The following GARRE1 variants were observed in gnomAD, a reference collection of about 807,000 sequenced individuals.
The protein encoded by GARRE1 is granule associated Rac and RHOG effector 1.
Under a neutral mutation model 103.2 loss-of-function variants are expected in GARRE1, and 49 were observed. The observed-to-expected ratio is 0.47, with a 90% CI of 0.38 to 0.60. The LOEUF (loss-of-function observed/expected upper bound fraction) is 0.60, where lower values mean the gene tolerates loss of function less well. Ranked by LOEUF, GARRE1 falls within the 20% of genes least tolerant of loss-of-function variation. The pLI, the probability that GARRE1 is intolerant of heterozygous loss-of-function variation, is 0.00. For missense variants in GARRE1, 1,199 were observed against 1,370.5 expected, an observed-to-expected ratio of 0.87 and a Z score of 1.98; for synonymous variants, 505 against 532.8, an observed-to-expected ratio of 0.95 and a Z score of 0.72.
At chr19:34,297,558 T>C (rs1163711276) in intron 1 of GARRE1, among the ~76,000 whole-genome samples, 1 of 152,100 alleles carries the variant, frequency 6.6e-6, no homozygotes, top group Non-Finnish European at 1.5e-5. Flanking sequence ...TGAACAAAGA[T>C]AGAGTGTTTC....
At chr19:34,352,209 CT>C (rs957264567) in intron 13 of GARRE1, among the ~76,000 whole-genome samples, 1 of 152,022 alleles carries the variant, frequency 6.6e-6, no homozygotes, top group African/African-American at 2.4e-5. Context: ...CGAGACTATC[CT>C]GGCTAACACG....
chr19:34,344,139 G>A (rs1252103664), intron 10 of GARRE1, among the ~76,000 whole-genome samples: 1 of 152,142 alleles, frequency 6.6e-6, no homozygotes, highest in Non-Finnish European at 1.5e-5. Context: ...TCTAAAATTA[G>A]TAAGAGAATT....
chr19:34,307,548 T>C (rs1380812536), intron 2 of GARRE1, among the ~76,000 whole-genome samples: 1 of 148,574 alleles, frequency 6.7e-6, no homozygotes, highest in Non-Finnish European at 1.5e-5. Context: ...ATGCCAGACA[T>C]ATATATAAAA....
In GARRE1 at chr19:34,328,078, T is replaced by C. The variant is rs758920162; in HGVS notation, c.1031T>C (p.Val344Ala). 1 of 1,614,184 alleles carries C rather than the reference T, an allele frequency of 6.2e-7. No homozygotes were observed. The highest frequency in any genetic ancestry group is 8.5e-7 in the Non-Finnish European group (1 of 1,180,022). Reference sequence around the variant, plus strand: ...CAGTGTGAGCTCCCCACCGTCCCTGTGCAGATAGGATCGCACTTCCTGAAG... The same window carrying C: ...CAGTGTGAGCTCCCCACCGTCCCTGCGCAGATAGGATCGCACTTCCTGAAG... ...PMQCELPTVP[V>A]QIGSHFLKGV... The change falls in exon 6 of 14, where the codon GTG (valine) becomes GCG (alanine). Residue 344 changes from valine (V) to alanine (A), a missense_variant. Physicochemically the swap from Val to Ala is moderately conservative, Grantham distance 64. Coordinates refer to ENST00000299505, the MANE Select transcript of GARRE1 (RefSeq NM_014686.5).
intron 1 of GARRE1, among the ~76,000 whole-genome samples, chr19:34,265,881 C>T (rs1470771426): frequency 6.6e-6 from 1 of 152,112 alleles, no homozygotes; most frequent in Non-Finnish European, 1.5e-5. Context: ...TTAGTAAGTG[C>T]CATTTATTCA....
chr19:34,345,984 CG>C (rs2074209060), intron 10 of GARRE1, among the ~76,000 whole-genome samples: 1 of 152,024 alleles, frequency 6.6e-6, no homozygotes, highest in Non-Finnish European at 1.5e-5. Context: ...GACCTTGCCC[CG>C]AGGGCATAAG....
Position 34,353,099 on chromosome 19 carries a change from AG to A in GARRE1, c.*147del. ...TCCCAGGGAGGGTTCCTTGGGGACA[AG>A]GGTGGTTGGCAGCTCCAAGCCTTTA... On this transcript the variant is annotated 3_prime_UTR_variant, in exon 14 of 14. Transcript: ENST00000299505. 1.3e-6 allele frequency: 1 copy of A among 771,380 alleles called. No homozygotes were observed. Among genetic ancestry groups the A allele is most frequent in the Non-Finnish European group, 2.0e-6 (1 of 495,456 alleles). The allele number at this position is 771,380 out of a possible 1,614,324, so 47.8% of individuals were successfully genotyped here.
chr19:34,347,389 C>G (rs1381955331), intron 10 of GARRE1, among the ~76,000 whole-genome samples: 2 of 152,108 alleles, frequency 1.3e-5, no homozygotes, highest in Non-Finnish European at 2.9e-5. Context: ...CGCGCCTGGC[C>G]CACACCCAGC....
chr19:34,261,231 G>A (rs762201360), intron 1 of GARRE1, among the ~76,000 whole-genome samples: 6 of 152,160 alleles, frequency 3.9e-5, no homozygotes, highest in Non-Finnish European at 8.8e-5. Context: ...TTGGGATGCT[G>A]GCTAATCTTT....
In GARRE1 at chr19:34,354,935, C is replaced by A. The variant is rs576855713; in HGVS notation, c.*1980C>A. 1 of 152,718 alleles carries A rather than the reference C, an allele frequency of 6.5e-6. No individual in the cohort carries two copies. Among genetic ancestry groups the A allele is most frequent in the South Asian group, 2.1e-4 (1 of 4,826 alleles). The allele number at this position is 152,718 out of a possible 1,614,324, so 9.5% of individuals were successfully genotyped here. ...GAACTGTTTTGTATATAGACATTTT[C>A]AGGCACGTGCTTTGCACCAACCCTG... is the stretch of plus-strand genomic sequence containing the variant. On this transcript the variant is annotated 3_prime_UTR_variant, in exon 14 of 14. Transcript: ENST00000299505.
At chr19:34,343,899 A>T (rs2074198494) in intron 10 of GARRE1, among the ~76,000 whole-genome samples, 2 of 152,214 alleles carry the variant, frequency 1.3e-5, no homozygotes, top group Non-Finnish European at 2.9e-5. Context: ...CTAAAAGCTA[A>T]TAGCAAATAG....
chr19:34,283,605 T>A (rs2073867849), intron 1 of GARRE1, among the ~76,000 whole-genome samples: 1 of 152,074 alleles, frequency 6.6e-6, no homozygotes, highest in East Asian at 1.9e-4. Context: ...CAGAGAGAGG[T>A]TAAGGAACTT....
intron 1 of GARRE1, among the ~76,000 whole-genome samples, chr19:34,254,824 C>T (rs1334868665): frequency 6.7e-6 from 1 of 149,816 alleles, no homozygotes; most frequent in Non-Finnish European, 1.5e-5. Flanking sequence ...CGGGCGCTGG[C>T]CGGCCGACGG....
chr19:34,277,136 A>G (rs2073821583), intron 1 of GARRE1, among the ~76,000 whole-genome samples: 1 of 152,094 alleles, frequency 6.6e-6, no homozygotes, highest in Non-Finnish European at 1.5e-5. Context: ...CACTAGAAGA[A>G]CTGGAAGATA....
chr19:34,287,333 T>C (rs1253528706), intron 1 of GARRE1, among the ~76,000 whole-genome samples: 1 of 152,054 alleles, frequency 6.6e-6, no homozygotes, highest in African/African-American at 2.4e-5. Flanking sequence ...TTTGTTGTTG[T>C]TTGTTTAGAG....
chr19:34,309,643 G>A (rs1381542329), intron 2 of GARRE1, among the ~76,000 whole-genome samples: 1 of 152,128 alleles, frequency 6.6e-6, no homozygotes, highest in African/African-American at 2.4e-5. Context: ...CCTGGCCATA[G>A]GATTGAAGTG....
intron 1 of GARRE1, among the ~76,000 whole-genome samples, chr19:34,289,683 C>G (rs1008301503): frequency 1.3e-5 from 2 of 151,282 alleles, no homozygotes; most frequent in Non-Finnish European, 2.9e-5. Flanking sequence ...AAGATCATGC[C>G]ACTGCACTCC....
At chr19:34,262,368 T>C (rs1387716337) in intron 1 of GARRE1, among the ~76,000 whole-genome samples, 1 of 142,144 alleles carries the variant, frequency 7.0e-6, no homozygotes, top group Non-Finnish European at 1.5e-5. Context: ...CGATCTCAGC[T>C]CATTGCAACC....
intron 1 of GARRE1, among the ~76,000 whole-genome samples, chr19:34,294,353 G>A (rs1462508541): frequency 2.0e-5 from 3 of 151,616 alleles, no homozygotes; most frequent in Non-Finnish European, 4.4e-5. Context: ...AGCCCAGAAG[G>A]TCAAGGCTGC....
Sources: allele counts gnomAD v4.1 joint callset (sites outside exome capture counted in the v4.1 genomes callset), GRCh38; gene constraint gnomAD v4.1.1; transcripts MANE v1.5; gene names NCBI Gene and HGNC (gene_info 2026-07-23, HGNC 2026-07-21).